NKAIN3: variants seen among roughly 807,000 people sequenced by gnomAD.
NKAIN3 encodes the protein sodium/potassium transporting ATPase interacting 3, also known as sodium/potassium-transporting ATPase subunit beta-1-interacting protein 3.
Under a neutral mutation model 30.2 loss-of-function variants are expected in NKAIN3, and 25 were observed. The observed-to-expected ratio is 0.83, with a 90% confidence interval of 0.60 to 1.16. The LOEUF (loss-of-function observed/expected upper bound fraction) is 1.16. Ranked by LOEUF, NKAIN3 falls within the 50% of genes most tolerant of loss-of-function variation. The pLI is 0.00. For synonymous variants in NKAIN3, 91 were observed against 89.6 expected, an observed-to-expected ratio of 1.02 and a Z score of -0.09; for missense variants, 225 against 254.1, an observed-to-expected ratio of 0.89 and a Z score of 0.78.
intron 1 of NKAIN3, among the ~76,000 whole-genome samples, chr8:62,460,978 T>C (rs945424347): frequency 6.6e-6 from 1 of 152,176 alleles, no homozygotes; most frequent in African/African-American, 2.4e-5. Context: ...TCTGAGAACC[T>C]AGAAGGACAT....
At chr8:62,655,463 C>T (rs1812737587) in intron 3 of NKAIN3, among the ~76,000 whole-genome samples, 1 of 151,894 alleles carries the variant, frequency 6.6e-6, no homozygotes, top group Non-Finnish European at 1.5e-5. Context: ...TGTGGTAGTG[C>T]AAATAAGGTA....
At chr8:62,931,719 C>T (rs1277621654) in intron 5 of NKAIN3, among the ~76,000 whole-genome samples, 1 of 152,114 alleles carries the variant, frequency 6.6e-6, no homozygotes, top group Non-Finnish European at 1.5e-5. Context: ...ATCTAGCAGG[C>T]CACAGCTACG....
Position 62,527,882 on chromosome 8 carries a change from G to GGTGTGTGTGTGTGT in NKAIN3, c.55-51635_55-51622dup, listed in dbSNP as rs68020312. On this transcript the variant is annotated intron_variant, in intron 1 of 6. Transcript: ENST00000623646. ...TATGAAGGAATTAGTACTTTTTTTT[G>GGTGTGTGTGTGTGT]GTGTGTGTGTGTGTGTGTGTGTGTG... Among the ~76,000 whole-genome samples, 232 of 143,788 alleles carry GGTGTGTGTGTGTGT rather than the reference G, an allele frequency of 1.6e-3. 3 individuals are homozygous for GGTGTGTGTGTGTGT. The highest frequency in any genetic ancestry group is 2.5e-3 in the South Asian group (11 of 4,460). 94.3% of individuals were successfully genotyped at this position (143,788 alleles called of 152,430 possible).
At chr8:62,741,516 G>T (rs1341676619) in intron 3 of NKAIN3, among the ~76,000 whole-genome samples, 1 of 152,136 alleles carries the variant, frequency 6.6e-6, no homozygotes, top group Non-Finnish European at 1.5e-5. Flanking sequence ...GAAGAAGGAA[G>T]ACCTTCTTAT....
chr8:62,633,213 A>T (rs970484234), intron 3 of NKAIN3, among the ~76,000 whole-genome samples: 2 of 152,182 alleles, frequency 1.3e-5, no homozygotes, highest in African/African-American at 4.8e-5. Context: ...CAGGACTGTT[A>T]TGAACATTAT....
intron 4 of NKAIN3, among the ~76,000 whole-genome samples, chr8:62,780,565 G>T (rs1817325983): frequency 6.6e-6 from 1 of 151,880 alleles, no homozygotes; most frequent in African/African-American, 2.4e-5. Context: ...GAATCCAACA[G>T]CATATCAAAA....
rs542049347 is a variant in NKAIN3 at position 62,351,493 on chromosome 8, A to G, written c.54+102366A>G. 7.4e-5 allele frequency among the ~76,000 whole-genome samples: 11 copies of G among 149,352 alleles called. No homozygotes were observed. The South Asian group carries it at 2.1e-3, about 28-fold the overall frequency. On this transcript the variant is annotated intron_variant, in intron 1 of 6. Coordinates refer to ENST00000623646, the MANE Select transcript of NKAIN3 (RefSeq NM_001304533.3). ...ATACGGAGGCCTGACTGTTTATATTATAATATATAAAATAAATATACATAT... is the reference window on the plus strand; with the variant it reads ...ATACGGAGGCCTGACTGTTTATATTGTAATATATAAAATAAATATACATAT...
In NKAIN3 at chr8:62,937,948, CA is replaced by C. The variant is rs375631639; in HGVS notation, c.533-15952del. Among the ~76,000 whole-genome samples, 7 of 152,108 alleles carry C rather than the reference CA, an allele frequency of 4.6e-5. No individual in the cohort carries two copies. The South Asian group carries it at 1.5e-3, about 32-fold the overall frequency. On this transcript the variant is annotated intron_variant, in intron 5 of 6. Coordinates refer to ENST00000623646, the MANE Select transcript of NKAIN3 (RefSeq NM_001304533.3). ...TGCCGGCTTTCTCCCACTACCCTGG[CA>C]ACCTGTATGACACAGCAGAGGCAGC... is the stretch of plus-strand genomic sequence containing the variant.
chr8:62,358,468 C>T (rs1017853039), intron 1 of NKAIN3, among the ~76,000 whole-genome samples: 10 of 151,910 alleles, frequency 6.6e-5, no homozygotes, highest in Non-Finnish European at 1.3e-4. Context: ...ATATGTTAAG[C>T]GTAGATATAA....
chr8:62,875,601 A>G (rs1411440426), intron 4 of NKAIN3, among the ~76,000 whole-genome samples: 1 of 152,250 alleles, frequency 6.6e-6, no homozygotes, highest in African/African-American at 2.4e-5. Context: ...AAACCAAAGC[A>G]TCATAGTCCT....
chr8:62,751,080 C>T (rs1246868210), intron 4 of NKAIN3, among the ~76,000 whole-genome samples: 1 of 152,130 alleles, frequency 6.6e-6, no homozygotes, highest in Admixed American at 6.5e-5. Context: ...AATCTGAATT[C>T]CCTACTGTGC....
chr8:62,583,592 C>T (rs930772415), intron 2 of NKAIN3, among the ~76,000 whole-genome samples: 1 of 152,152 alleles, frequency 6.6e-6, no homozygotes, highest in African/African-American at 2.4e-5. Flanking sequence ...AAAGATTGAG[C>T]GACTAGCCCA....
chr8:62,637,205 T>A (rs1410704208), intron 3 of NKAIN3, among the ~76,000 whole-genome samples: 2 of 152,184 alleles, frequency 1.3e-5, no homozygotes, highest in Non-Finnish European at 2.9e-5. Context: ...TTTCATCCTT[T>A]CCATTTCCTG....
intron 3 of NKAIN3, among the ~76,000 whole-genome samples, chr8:62,736,503 C>T (rs1188336384): frequency 6.6e-6 from 1 of 152,162 alleles, no homozygotes; most frequent in African/African-American, 2.4e-5. Flanking sequence ...CCACGCAGCA[C>T]CAAAGCCCCG....
intron 3 of NKAIN3, among the ~76,000 whole-genome samples, chr8:62,598,897 T>G (rs1810912758): frequency 6.6e-6 from 1 of 151,952 alleles, no homozygotes; most frequent in Non-Finnish European, 1.5e-5. Flanking sequence ...TTTAAATTAC[T>G]AGGGTGTGAT....
At chr8:62,866,335 G>C (rs1367008891) in intron 4 of NKAIN3, among the ~76,000 whole-genome samples, 2 of 152,214 alleles carry the variant, frequency 1.3e-5, no homozygotes, top group African/African-American at 4.8e-5. Flanking sequence ...TCTCCTCACA[G>C]CTCAAAGGTA....
chr8:62,286,528 A>G (rs1813384837), intron 1 of NKAIN3, among the ~76,000 whole-genome samples: 2 of 152,188 alleles, frequency 1.3e-5, no homozygotes, highest in Admixed American at 1.3e-4. Flanking sequence ...GTAATTTAAT[A>G]CAATAGGACT....
At chr8:62,697,336 G>A (rs777542760) in intron 3 of NKAIN3, among the ~76,000 whole-genome samples, 3 of 152,114 alleles carry the variant, frequency 2.0e-5, no homozygotes, top group Middle Eastern at 3.2e-3. Context: ...CTGGGAGCAC[G>A]CCTGCCTCAG....
chr8:62,705,083 A>AT lies in NKAIN3; in HGVS notation c.274-41842dup, dbSNP rs761380260. Among the ~76,000 whole-genome samples, 7 of 152,160 alleles carry AT rather than the reference A, an allele frequency of 4.6e-5. No homozygotes were observed. The East Asian group carries it at 5.8e-4, about 13-fold the overall frequency. On this transcript the variant is annotated intron_variant, in intron 3 of 6. Transcript: ENST00000623646. ...GAATGAAAGGCTTTAAGAATCTCCC[A>AT]TTTTTTTACTGGCAATACCTGGCAC...
Sources: gnomAD v4.1 joint callset for allele counts (sites outside exome capture counted in the v4.1 genomes callset) on GRCh38, gnomAD v4.1.1 for gene constraint, MANE v1.5 for transcripts, NCBI Gene and HGNC (gene_info 2026-07-23, HGNC 2026-07-21) for gene names.